CTNNA3: variants seen among roughly 807,000 people sequenced by gnomAD.
The protein encoded by CTNNA3 is catenin alpha-3.
In CTNNA3, 76 loss-of-function variants were observed where a neutral mutation model predicts 95.7. That is an observed-to-expected ratio of 0.79 (90% CI 0.66 to 0.96). The LOEUF is 0.96. Among genes scored for constraint, CTNNA3 ranks in the 40% least tolerant of loss-of-function variants. The pLI, the probability that CTNNA3 is intolerant of heterozygous loss-of-function variation, is 0.00. For synonymous variants in CTNNA3, 431 were observed against 374.4 expected, an observed-to-expected ratio of 1.15 and a Z score of -1.74; for missense variants, 1,191 against 1,089.8, an observed-to-expected ratio of 1.09 and a Z score of -1.31.
chr10:67,259,054 C>T (rs866215509), intron 5 of CTNNA3, among the ~76,000 whole-genome samples: 46 of 152,012 alleles, frequency 3.0e-4, no homozygotes, highest in Middle Eastern at 3.4e-3. Flanking sequence ...TTTATTGTTG[C>T]GTTGTGCTCT....
intron 14 of CTNNA3, among the ~76,000 whole-genome samples, chr10:66,089,986 T>C (rs1018829330): frequency 1.4e-4 from 22 of 152,012 alleles, no homozygotes; most frequent in African/African-American, 3.6e-4. Context: ...TTAGTAACAG[T>C]AGTTTCTAAT....
At chr10:66,270,024 A>T (rs1458129417) in intron 13 of CTNNA3, among the ~76,000 whole-genome samples, 1 of 152,218 alleles carries the variant, frequency 6.6e-6, no homozygotes, top group Non-Finnish European at 1.5e-5. Flanking sequence ...ATAAGAGATC[A>T]AGCAAATTTA....
chr10:67,253,940 T>G (rs1212508826), intron 5 of CTNNA3, among the ~76,000 whole-genome samples: 1 of 152,020 alleles, frequency 6.6e-6, no homozygotes, highest in African/African-American at 2.4e-5. Context: ...CTACGAAAAA[T>G]ATGTACTGTG....
chr10:67,110,302 A>G (rs1395164884), intron 7 of CTNNA3, among the ~76,000 whole-genome samples: 1 of 152,144 alleles, frequency 6.6e-6, no homozygotes, highest in African/African-American at 2.4e-5. Context: ...AAGTTTCACA[A>G]TTGTTCTGTA....
intron 13 of CTNNA3, among the ~76,000 whole-genome samples, chr10:66,225,432 G>A (rs1227271704): frequency 3.2e-5 from 4 of 125,542 alleles, no homozygotes; most frequent in African/African-American, 1.3e-4. Flanking sequence ...TGAATGAATA[G>A]TATTCCATCG....
At chr10:66,429,199 AC>A (rs1286130003) in intron 11 of CTNNA3, among the ~76,000 whole-genome samples, 1 of 152,166 alleles carries the variant, frequency 6.6e-6, no homozygotes, top group Non-Finnish European at 1.5e-5. Context: ...CCAAGACTAA[AC>A]CAGGAAGAAG....
chr10:66,224,692 C>T (rs1039809971), intron 13 of CTNNA3, among the ~76,000 whole-genome samples: 1 of 152,114 alleles, frequency 6.6e-6, no homozygotes, highest in African/African-American at 2.4e-5. Context: ...GAAATGTCTA[C>T]TCCAAAAGGA....
intron 1 of CTNNA3, among the ~76,000 whole-genome samples, chr10:67,682,135 G>A (rs1009478116): frequency 2.1e-4 from 32 of 150,872 alleles, no homozygotes; most frequent in African/African-American, 6.8e-4. Context: ...TCCAACCTGG[G>A]TGACAAGAGC....
chr10:66,021,990 C>T (rs2079228899), intron 15 of CTNNA3, among the ~76,000 whole-genome samples: 1 of 151,562 alleles, frequency 6.6e-6, no homozygotes. Context: ...GGAGCTGGGA[C>T]TACAGGTATG....
At chr10:66,013,989 C>T (rs1033415215) in intron 15 of CTNNA3, among the ~76,000 whole-genome samples, 1 of 152,158 alleles carries the variant, frequency 6.6e-6, no homozygotes, top group Non-Finnish European at 1.5e-5. Flanking sequence ...AAAACCTCAA[C>T]ATTCTCCTGA....
chr10:67,603,604 TA>T lies in CTNNA3; in HGVS notation c.292+3252del, dbSNP rs77287628. 0.038 allele frequency among the ~76,000 whole-genome samples: 5,170 copies of T among 137,028 alleles called. 613 individuals are homozygous for T. The East Asian group carries it at 0.44, about 12-fold the overall frequency. The allele number at this position is 137,028 out of a possible 152,430, so 89.9% of individuals were successfully genotyped here. On this transcript the variant is annotated intron_variant, in intron 3 of 17. Transcript: ENST00000433211. ...TTTTAGTAAAAAAAACTTTAAACCGTAAAAAAAAAAATAATTAAAAATGTAA... is the reference window on the plus strand; with the variant it reads ...TTTTAGTAAAAAAAACTTTAAACCGTAAAAAAAAAATAATTAAAAATGTAA...
chr10:66,920,371 A>T (rs2132597369), intron 7 of CTNNA3, among the ~76,000 whole-genome samples: 1 of 152,342 alleles, frequency 6.6e-6, no homozygotes, highest in South Asian at 2.1e-4. Context: ...CAACTGACAT[A>T]TGCAATAAAC....
At chr10:67,145,149 C>T (rs1205358735) in intron 7 of CTNNA3, among the ~76,000 whole-genome samples, 1 of 152,164 alleles carries the variant, frequency 6.6e-6, no homozygotes, top group Non-Finnish European at 1.5e-5. Context: ...CCCCCATGGG[C>T]ATGTTCCATG....
At chr10:66,641,828 G>A (rs1205487942) in intron 9 of CTNNA3, among the ~76,000 whole-genome samples, 10 of 152,010 alleles carry the variant, frequency 6.6e-5, no homozygotes, top group Non-Finnish European at 1.3e-4. Flanking sequence ...CAAAATGTAT[G>A]CAAAATATGT....
At chr10:66,344,486 C>T (rs1250197330) in intron 12 of CTNNA3, among the ~76,000 whole-genome samples, 1 of 151,714 alleles carries the variant, frequency 6.6e-6, no homozygotes, top group Non-Finnish European at 1.5e-5. Flanking sequence ...AGGCTGGTCT[C>T]GAACTCCTGA....
intron 7 of CTNNA3, among the ~76,000 whole-genome samples, chr10:66,783,309 C>T (rs1162444533): frequency 6.6e-6 from 1 of 152,120 alleles, no homozygotes; most frequent in Non-Finnish European, 1.5e-5. Context: ...AAGGTGTTTC[C>T]ATGAAGAGTC....
intron 7 of CTNNA3, chr10:67,055,106 A>G (rs1162416203): frequency 6.6e-6 from 1 of 152,190 alleles, no homozygotes; most frequent in Admixed American, 6.5e-5. Context: ...TTTTAGAGTC[A>G]GCACATCCTG....
intron 10 of CTNNA3, among the ~76,000 whole-genome samples, chr10:66,591,850 C>A (rs867648939): frequency 3.3e-5 from 5 of 152,088 alleles, no homozygotes; most frequent in African/African-American, 9.6e-5. Context: ...GGAAAAAAAT[C>A]TTTTTCTTGA....
chr10:66,084,140 AAAAAAAAG>A (rs2080880092), intron 14 of CTNNA3, among the ~76,000 whole-genome samples: 6 of 130,050 alleles, frequency 4.6e-5, no homozygotes, highest in Non-Finnish European at 8.9e-5. Context: ...CATCTCAAAA[AAAAAAAAG>A]AAAAAAAAAG....
Sources: gnomAD v4.1 joint callset for allele counts (sites outside exome capture counted in the v4.1 genomes callset) on GRCh38, gnomAD v4.1.1 for gene constraint, MANE v1.5 for transcripts, NCBI Gene and HGNC (gene_info 2026-07-23, HGNC 2026-07-21) for gene names.